RRM1: variants seen among roughly 807,000 people sequenced by gnomAD.
RRM1 encodes ribonucleotide reductase catalytic subunit M1, also known as ribonucleoside-diphosphate reductase large subunit.
In RRM1, 19 loss-of-function variants were observed where a neutral mutation model predicts 101.5. The observed-to-expected ratio is 0.19, with a 90% CI of 0.13 to 0.27. The LOEUF (loss-of-function observed/expected upper bound fraction) is 0.27, where lower values mean the gene tolerates loss of function less well. Among genes scored for constraint, RRM1 ranks in the 10% least tolerant of loss-of-function variants. The probability of loss-of-function intolerance (pLI) is 1.00; values close to 1 mark genes in which losing one functional copy is unlikely to be tolerated. For missense variants in RRM1, 500 were observed against 962.9 expected (o/e 0.52, Z 6.36); for synonymous variants, 298 against 323.4 (o/e 0.92, Z 0.84).
intron 9 of RRM1, among the ~76,000 whole-genome samples, chr11:4,121,202 G>A (rs2094581353): frequency 6.6e-6 from 1 of 152,100 alleles, no homozygotes; most frequent in African/African-American, 2.4e-5. Context: ...ATGGACTTTG[G>A]GGACCTTGAT....
chr11:4,101,968 T>C lies in RRM1; in HGVS notation c.20-25T>C, dbSNP rs189103234. Reference sequence around the variant, plus strand: ...ATAATTGCTAACATGAATTTAATAATTGCTAACATGATTTGATTCTTTAGA... The same window carrying C: ...ATAATTGCTAACATGAATTTAATAACTGCTAACATGATTTGATTCTTTAGA... On this transcript the variant is annotated intron_variant, in intron 1 of 18. Coordinates refer to ENST00000300738, the MANE Select transcript of RRM1 (RefSeq NM_001033.5). 1.1e-4 allele frequency: 135 copies of C among 1,253,102 alleles called. No homozygotes were observed. In the East Asian group the frequency reaches 2.9e-3, roughly 27 times the overall value. 77.6% of individuals were successfully genotyped at this position (1,253,102 alleles called of 1,614,324 possible).
chr11:4,103,300 T>G (rs2094554085), intron 2 of RRM1, among the ~76,000 whole-genome samples: 1 of 152,234 alleles, frequency 6.6e-6, no homozygotes. Flanking sequence ...TTGTAAATTC[T>G]CTTTTATATT....
intron 7 of RRM1, among the ~76,000 whole-genome samples, chr11:4,118,019 A>G (rs527310205): frequency 6.6e-6 from 1 of 152,380 alleles, no homozygotes; most frequent in South Asian, 2.1e-4. Context: ...ATGTGAAAAT[A>G]GCACGTTTGC....
intron 7 of RRM1, among the ~76,000 whole-genome samples, chr11:4,115,679 C>T (rs1180579261): frequency 6.6e-6 from 1 of 152,098 alleles, no homozygotes; most frequent in Non-Finnish European, 1.5e-5. Flanking sequence ...GCCTCAGCCT[C>T]CTGAGTAGCT....
At chr11:4,105,985 CTT>C in intron 2 of RRM1, 59 bp from the exon 3 acceptor site, 1 of 1,438,886 alleles carries the variant, frequency 6.9e-7, no homozygotes, top group East Asian at 2.3e-5. Flanking sequence ...CTTAATTACT[CTT>C]TTAAGGAAGC....
chr11:4,133,980 A>ATTTTTTTTTTTTTTTTTTTTTTT (rs34715101), intron 17 of RRM1, among the ~76,000 whole-genome samples: 2 of 90,866 alleles, frequency 2.2e-5, no homozygotes, highest in African/African-American at 4.5e-5. Context: ...CCAGACATCA[A>ATTTTTTTTTTTTTTTTTTTTTTT]TTTTTTTTTT....
At chr11:4,114,654 A>G (rs937460911) in intron 7 of RRM1, among the ~76,000 whole-genome samples, 2 of 152,174 alleles carry the variant, frequency 1.3e-5, no homozygotes, top group African/African-American at 2.4e-5. Flanking sequence ...ATTTTCTTCA[A>G]TAATAAATTA....
intron 1 of RRM1, among the ~76,000 whole-genome samples, chr11:4,100,686 G>A (rs1374288379): frequency 1.3e-5 from 2 of 152,132 alleles, no homozygotes; most frequent in Non-Finnish European, 2.9e-5. Flanking sequence ...TTCCCCCATA[G>A]GAGCAGCTTT....
At position 4,094,931 on chromosome 11, in the gene RRM1, C is replaced by T; in HGVS notation, c.-82C>T. ...AGCGCCTGGAACCTAACCCTTCCCA[C>T]TCTGTCACCTTCTCGATCCCGCCGG... On this transcript the variant is annotated 5_prime_UTR_variant, in exon 1 of 19. Transcript: ENST00000300738. The T allele has an allele frequency of 6.8e-7, 1 of 1,465,774 alleles. No homozygotes were observed. Among genetic ancestry groups the T allele is most frequent in the Non-Finnish European group, 9.4e-7 (1 of 1,068,912 alleles). The allele number at this position is 1,465,774 out of a possible 1,614,324, so 90.8% of individuals were successfully genotyped here.
At chr11:4,136,254 C>T (rs576528567) in intron 18 of RRM1, among the ~76,000 whole-genome samples, 11 of 152,154 alleles carry the variant, frequency 7.2e-5, no homozygotes, top group African/African-American at 2.4e-4. Context: ...CAGAGACTCA[C>T]TCTGTTGCCC....
rs536820918 is a variant in RRM1 at position 4,120,426 on chromosome 11, C to A, written c.876+498C>A. ...TCACCCAGGCTGGAGTGCAATGGTG[C>A]GATCTTGGCTCACCGTAGCCTTGAC... is the stretch of plus-strand genomic sequence containing the variant. On this transcript the variant is annotated intron_variant, in intron 9 of 18. Coordinates refer to ENST00000300738, the MANE Select transcript of RRM1 (RefSeq NM_001033.5). 2.0e-5 allele frequency among the ~76,000 whole-genome samples: 3 copies of A among 151,906 alleles called. No homozygotes were observed. In the East Asian group the frequency reaches 5.8e-4, roughly 29 times the overall value.
rs139028009 is a variant in RRM1 at position 4,136,271 on chromosome 11, G to T, written c.2190+1001G>T. Among the ~76,000 whole-genome samples the T allele has an allele frequency of 8.2e-3, 1,253 of 152,198 alleles. 20 individuals are homozygous for T. Among genetic ancestry groups the T allele is most frequent in the African/African-American group, 0.027 (1,140 of 41,472 alleles). On this transcript the variant is annotated intron_variant, in intron 18 of 18. Transcript: ENST00000300738. ...GAGACTCACTCTGTTGCCCCGGCTGGAGTACAGCGGCATGATCTTGGCTCA... is the reference window on the plus strand; with the variant it reads ...GAGACTCACTCTGTTGCCCCGGCTGTAGTACAGCGGCATGATCTTGGCTCA...
intron 2 of RRM1, among the ~76,000 whole-genome samples, chr11:4,102,474 A>G (rs1426395496): frequency 2.0e-5 from 3 of 152,234 alleles, no homozygotes; most frequent in African/African-American, 4.8e-5. Context: ...CCTGGCCAAC[A>G]TGGTGAAACC....
intron 1 of RRM1, among the ~76,000 whole-genome samples, chr11:4,097,710 GCCT>G (rs1261475852): frequency 1.3e-5 from 2 of 152,166 alleles, no homozygotes; most frequent in East Asian, 1.9e-4. Flanking sequence ...TCCTGCCTCA[GCCT>G]CCTCAGTAGC....
chr11:4,094,845 G>T lies in RRM1; in HGVS notation c.-168G>T. 1.5e-6 allele frequency: 1 copy of T among 679,078 alleles called. No homozygotes were observed. The highest frequency in any genetic ancestry group is 2.6e-6 in the Non-Finnish European group (1 of 389,196). 42.1% of individuals were successfully genotyped at this position (679,078 alleles called of 1,614,324 possible). A position where few individuals can be genotyped will look rare whatever the true frequency, so the allele number is the denominator to read the frequency against. ...CGGGCGCGGGAAGGGGATTTGGATTGTTGCGCCTCTGCTCTGAAGAAAGTG... is the reference window on the plus strand; with the variant it reads ...CGGGCGCGGGAAGGGGATTTGGATTTTTGCGCCTCTGCTCTGAAGAAAGTG... On this transcript the variant is annotated 5_prime_UTR_variant, in exon 1 of 19. Transcript: ENST00000300738.
rs758036746 is a variant in RRM1, at chr11:4,123,163, ATAT to A, written c.1119-16_1119-14del. 3 of 1,596,438 alleles carry A rather than the reference ATAT, an allele frequency of 1.9e-6. No homozygotes were observed. The highest frequency in any genetic ancestry group is 1.7e-5 in the Admixed American group (1 of 59,626). ...TTTTTTAGGGAATATATATTAAATA[ATAT>A]TATCTGTGCCTTTCAGTTATGAGAA... On this transcript the variant is annotated splice_polypyrimidine_tract_variant and intron_variant, in intron 11 of 18. Coordinates refer to ENST00000300738, the MANE Select transcript of RRM1 (RefSeq NM_001033.5).
intron 11 of RRM1, 38 bp from the exon 12 acceptor site, chr11:4,123,145 G>A (rs1428342534): frequency 1.3e-6 from 2 of 1,490,486 alleles, no homozygotes; most frequent in African/African-American, 1.4e-5. Context: ...AGTTTTTTTA[G>A]GGAATATATA....
chr11:4,116,991 GAAAAACAGA>G, intron 7 of RRM1, among the ~76,000 whole-genome samples: 1 of 151,278 alleles, frequency 6.6e-6, no homozygotes, highest in Admixed American at 6.6e-5. Flanking sequence ...GAAAAGAAAA[GAAAAACAGA>G]AAGCCAAATA....
chr11:4,101,559 A>ATC (rs2094551097), intron 1 of RRM1, among the ~76,000 whole-genome samples: 1 of 105,884 alleles, frequency 9.4e-6, no homozygotes, highest in African/African-American at 4.4e-5. Context: ...AGTGATCCAC[A>ATC]CCCCCCCCCG....
Sources: allele counts gnomAD v4.1 joint callset (sites outside exome capture counted in the v4.1 genomes callset), GRCh38; gene constraint gnomAD v4.1.1; transcripts MANE v1.5; gene names NCBI Gene and HGNC (gene_info 2026-07-23, HGNC 2026-07-21).